Variants in WDTC1 observed in about 807,000 individuals in gnomAD.
WDTC1 encodes WD and tetratricopeptide repeats protein 1.
A neutral mutation model predicts 76.0 loss-of-function variants in WDTC1; 12 were observed. That is an observed-to-expected ratio of 0.16 (90% confidence interval 0.10 to 0.26). The LOEUF (loss-of-function observed/expected upper bound fraction) is 0.26. Among genes scored for constraint, WDTC1 ranks in the 10% least tolerant of loss-of-function variants. WDTC1 has a pLI of 1.00. For missense variants in WDTC1, 511 were observed against 908.8 expected, an observed-to-expected ratio of 0.56 and a Z score of 5.63; for synonymous variants, 326 against 350.8, an observed-to-expected ratio of 0.93 and a Z score of 0.79.
rs1169037823 is a variant in WDTC1, at chr1:27,308,415, G to A, written c.*2032G>A. The A allele has an allele frequency of 1.3e-5, 2 of 152,172 alleles. No homozygotes were observed. Among genetic ancestry groups the A allele is most frequent in the Non-Finnish European group, 2.9e-5 (2 of 68,044 alleles). The allele number at this position is 152,172 out of a possible 1,614,324, so 9.4% of individuals were successfully genotyped here. A position where few individuals can be genotyped will look rare whatever the true frequency, so the allele number is the denominator to read the frequency against. ...CGGCCACCCAGCCCAGCAGGGCTGAGTGCAGAGCCCAGCTCTCATGGCTGT... is the reference window on the plus strand; with the variant it reads ...CGGCCACCCAGCCCAGCAGGGCTGAATGCAGAGCCCAGCTCTCATGGCTGT... On this transcript the variant is annotated 3_prime_UTR_variant, in exon 16 of 16. Coordinates refer to ENST00000319394, the MANE Select transcript of WDTC1 (RefSeq NM_001276252.2).
Position 27,274,499 on chromosome 1 carries a change from G to A in WDTC1, c.133-7740G>A, listed in dbSNP as rs945458429. Among the ~76,000 whole-genome samples the A allele has an allele frequency of 6.6e-6, 1 of 152,120 alleles. No individual in the cohort carries two copies. The highest frequency in any genetic ancestry group is 2.4e-5 in the African/African-American group (1 of 41,426). ...GTAAAAGAAAATACAAAGAACTGTT[G>A]TAGTGGCAGCAACCAAGTAAGAGAG... On this transcript the variant is annotated intron_variant, in intron 3 of 15. Coordinates refer to ENST00000319394, the MANE Select transcript of WDTC1 (RefSeq NM_001276252.2). The surrounding 1 kb of genome is among the most constrained non-coding windows in gnomAD (Gnocchi z 4.2).
At chr1:27,255,966 A>G (rs562333847) in intron 1 of WDTC1, among the ~76,000 whole-genome samples, 1 of 152,222 alleles carries the variant, frequency 6.6e-6, no homozygotes, top group East Asian at 1.9e-4. Flanking sequence ...TTCATGTTTC[A>G]GCCTAAATGT....
At position 27,303,643 on chromosome 1, in the gene WDTC1, C is replaced by CGGCGCCCCA. The variant is rs754340115; in HGVS notation, c.1493_1501dup (p.Gly498_Pro500dup). 2.1e-4 allele frequency: 336 copies of CGGCGCCCCA among 1,602,432 alleles called. 1 individual carries two copies. The highest frequency in any genetic ancestry group is 4.5e-5 in the Non-Finnish European group (53 of 1,175,826). ...CAGAGGAGAAGAAGGGACCTGGTGG[C>CGGCGCCCCA]GGCGCCCCAGTCCGCCTCCGCAGCA... On this transcript the variant is annotated inframe_insertion, in exon 14 of 16. Coordinates refer to ENST00000319394, the MANE Select transcript of WDTC1 (RefSeq NM_001276252.2). The surrounding 1 kb of genome is among the most constrained non-coding windows in gnomAD (Gnocchi z 4.8).
intron 1 of WDTC1, among the ~76,000 whole-genome samples, chr1:27,235,500 C>T (rs1244458527): frequency 1.3e-5 from 2 of 151,488 alleles, no homozygotes; most frequent in East Asian, 3.9e-4. Flanking sequence ...GTGTTTCCAC[C>T]AGGCGACTGT....
chr1:27,237,741 C>T (rs1347651499), intron 1 of WDTC1, among the ~76,000 whole-genome samples: 1 of 151,798 alleles, frequency 6.6e-6, no homozygotes, highest in South Asian at 2.1e-4. Context: ...GTCCCAGCTA[C>T]TCAGGAGGGA....
intron 9 of WDTC1, 98 bp from the exon 10 acceptor site, chr1:27,296,228 C>G: frequency 7.2e-7 from 1 of 1,392,076 alleles, no homozygotes. Flanking sequence ...CACTGTGTTC[C>G]AAGACTCTAG....
intron 3 of WDTC1, among the ~76,000 whole-genome samples, chr1:27,272,752 A>G (rs1344558114): frequency 1.3e-5 from 2 of 152,100 alleles, no homozygotes; most frequent in African/African-American, 2.4e-5. Flanking sequence ...TATCTCCACA[A>G]ATAAAAAATA....
intron 3 of WDTC1, among the ~76,000 whole-genome samples, chr1:27,278,822 G>GGC (rs1268340452): frequency 1.3e-5 from 2 of 152,188 alleles, no homozygotes; most frequent in Non-Finnish European, 2.9e-5. Flanking sequence ...AGTATATCCA[G>GGC]GCCAGGTATG....
chr1:27,298,181 C>T, intron 12 of WDTC1, 70 bp downstream of exon 12: 1 of 1,476,962 alleles, frequency 6.8e-7, no homozygotes, highest in Non-Finnish European at 9.0e-7. Context: ...AAGGCAGGGG[C>T]CTGATGGAGC....
chr1:27,275,746 G>A (rs55722958), intron 3 of WDTC1, among the ~76,000 whole-genome samples: 16,418 of 152,066 alleles, frequency 0.11, 1,154 homozygotes, highest in South Asian at 0.18. Context: ...CCAGAATGTC[G>A]CCTGTTTGCT....
At chr1:27,256,938 T>C (rs2012301646) in intron 1 of WDTC1, among the ~76,000 whole-genome samples, 1 of 152,200 alleles carries the variant, frequency 6.6e-6, no homozygotes, top group African/African-American at 2.4e-5. Flanking sequence ...CTCGTCTCAC[T>C]GCAAGCTCCG....
At chr1:27,302,756 CA>C (rs2013864652) in intron 13 of WDTC1, among the ~76,000 whole-genome samples, 1 of 151,794 alleles carries the variant, frequency 6.6e-6, no homozygotes, top group Admixed American at 6.6e-5. Context: ...ACAACAACAA[CA>C]AAATGTAGCT....
intron 7 of WDTC1, 31 bp downstream of exon 7, chr1:27,292,428 G>T: frequency 6.7e-7 from 1 of 1,498,554 alleles, no homozygotes; most frequent in South Asian, 1.3e-5. Flanking sequence ...TGTCTCCTGT[G>T]AGTAAGTCCC....
chr1:27,254,257 A>T (rs2012197695), intron 1 of WDTC1, among the ~76,000 whole-genome samples: 1 of 152,166 alleles, frequency 6.6e-6, no homozygotes, highest in Non-Finnish European at 1.5e-5. Flanking sequence ...GCTCTCTACC[A>T]GTATGCTATC....
rs1309637202 is a variant in WDTC1, at chr1:27,297,857, C to G, written c.1059-81C>G. ...CAGGGGCCAAGAAAATCTGGGTGGC[C>G]CTCAGGCCATGTTACAGACTCCCTG... On this transcript the variant is annotated intron_variant, in intron 11 of 15. Coordinates refer to ENST00000319394, the MANE Select transcript of WDTC1 (RefSeq NM_001276252.2). The G allele has an allele frequency of 2.8e-6, 4 of 1,449,296 alleles. No homozygotes were observed. The African/African-American group carries it at 5.7e-5, about 21-fold the overall frequency. The allele number at this position is 1,449,296 out of a possible 1,614,324, so 89.8% of individuals were successfully genotyped here.
intron 1 of WDTC1, among the ~76,000 whole-genome samples, chr1:27,240,093 G>C (rs1166126584): frequency 6.6e-6 from 1 of 151,992 alleles, no homozygotes; most frequent in Non-Finnish European, 1.5e-5. Context: ...GTTTCACCAT[G>C]TTGGCCAAGC....
At chr1:27,293,727 T>A (rs2013605166) in intron 7 of WDTC1, among the ~76,000 whole-genome samples, 1 of 152,140 alleles carries the variant, frequency 6.6e-6, no homozygotes, top group Admixed American at 6.5e-5. Context: ...CTGCTGCCCC[T>A]CACACACTGC....
chr1:27,296,348 A>G lies in WDTC1; in HGVS notation c.896A>G (p.Tyr299Cys), dbSNP rs369404369. ...TAGGTCTATTTGTTTGACTTGACTT[A>G]CAAGCAGCGGCCGTACACCTTCCTC... ...GEQVYLFDLT[Y>C]KQRPYTFLLP... The change falls in exon 10 of 16, where the codon TAC becomes TGC. Residue 299 changes from tyrosine to cysteine, a missense_variant. Transcript: ENST00000319394. 9 of 1,613,774 alleles carry G rather than the reference A, an allele frequency of 5.6e-6. No individual in the cohort carries two copies. Among genetic ancestry groups the G allele is most frequent in the African/African-American group, 1.3e-5 (1 of 74,812 alleles).
intron 3 of WDTC1, among the ~76,000 whole-genome samples, chr1:27,277,436 T>C (rs2013062558): frequency 6.6e-6 from 1 of 152,234 alleles, no homozygotes; most frequent in Non-Finnish European, 1.5e-5. Flanking sequence ...CTAAAAAGAC[T>C]ATTCTTTCCT....
Sources: allele counts gnomAD v4.1 joint callset (sites outside exome capture counted in the v4.1 genomes callset), GRCh38; gene constraint gnomAD v4.1.1; non-coding constraint Gnocchi (gnomAD v3.1); transcripts MANE v1.5; gene names NCBI Gene and HGNC (gene_info 2026-07-23, HGNC 2026-07-21).